Variants in CD70 observed in about 807,000 individuals in gnomAD.
CD70 encodes the protein CD70 molecule, also known as CD70 antigen.
Under a neutral mutation model 9.0 loss-of-function variants are expected in CD70, and 6 were observed. That is an observed-to-expected ratio of 0.67 (90% CI 0.37 to 1.32). The LOEUF is 1.32. CD70 is among the 40% of genes most tolerant of loss of function. The pLI is 0.02. For synonymous variants in CD70, 108 were observed against 112.3 expected, an observed-to-expected ratio of 0.96 and a Z score of 0.24; for missense variants, 235 against 258.7, an observed-to-expected ratio of 0.91 and a Z score of 0.63.
chr19:6,583,357 C>T (rs1158745649), downstream of CD70: 1 of 701,632 alleles, frequency 1.4e-6, no homozygotes, highest in South Asian at 1.5e-5. Flanking sequence ...GATGATTCCT[C>T]CAGCTTTGTA....
At chr19:6,589,108 TC>T (rs1916091625) in intron 2 of CD70, among the ~76,000 whole-genome samples, 1 of 151,908 alleles carries the variant, frequency 6.6e-6, no homozygotes. Context: ...CTCTCTCCTC[TC>T]TCTCTCTCTC....
In CD70 at chr19:6,585,924, C is replaced by G; in HGVS notation, c.*96G>C. ...GCCACCACTACCCCCCACCACACTC[C>G]CACCCCAACCCCGGGTGGCCCCTGT... On this transcript the variant is annotated 3_prime_UTR_variant, in exon 3 of 3. Transcript: ENST00000245903. 1 of 880,052 alleles carries G rather than the reference C, an allele frequency of 1.1e-6. No homozygotes were observed. Among genetic ancestry groups the G allele is most frequent in the East Asian group, 2.7e-5 (1 of 37,506 alleles). 54.5% of individuals were successfully genotyped at this position (880,052 alleles called of 1,614,324 possible). A position where few individuals can be genotyped will look rare whatever the true frequency, so the allele number is the denominator to read the frequency against.
chr19:6,586,474 A>T, intron 2 of CD70, 69 bp from the exon 3 acceptor site: 1 of 1,463,072 alleles, frequency 6.8e-7, no homozygotes, highest in Non-Finnish European at 9.2e-7. Flanking sequence ...GGGGTCATAG[A>T]GAAAGTCAGA....
chr19:6,586,386 C>A lies in CD70; in HGVS notation c.216G>T (p.Arg72Ser). Residue 72 changes from arginine (R) to serine (S), a missense_variant, in exon 3 of 3, where the codon AGG becomes AGT. Coordinates refer to ENST00000245903, the MANE Select transcript of CD70 (RefSeq NM_001252.5). ...LNHTGPQQDP[R>S]LYWQGGPALG... is the part of the protein sequence containing the mutation. ...GTGCTGGGCCCCCCTGCCAGTATAG[C>A]CTGGGGTCCTGCTGAGGTCCTGGGG... is the stretch of plus-strand genomic sequence containing the variant. 6.2e-7 allele frequency: 1 copy of A among 1,610,146 alleles called. No individual in the cohort carries two copies. Among genetic ancestry groups the A allele is most frequent in the Non-Finnish European group, 8.5e-7 (1 of 1,178,502 alleles).
chr19:6,587,925 C>G (rs1230490467), intron 2 of CD70, among the ~76,000 whole-genome samples: 1 of 152,016 alleles, frequency 6.6e-6, no homozygotes, highest in African/African-American at 2.4e-5. Context: ...TCCCAAGAAA[C>G]ATAGTCTAGA....
Position 6,585,900 on chromosome 19 carries a change from C to T in CD70, c.*120G>A, listed in dbSNP as rs559096142. 33 of 659,848 alleles carry T rather than the reference C, an allele frequency of 5.0e-5. No individual in the cohort carries two copies. Among genetic ancestry groups the T allele is most frequent in the Middle Eastern group, 8.5e-4 (2 of 2,356 alleles). 40.9% of individuals were successfully genotyped at this position (659,848 alleles called of 1,614,324 possible). ...AAGCTCAATGCCTTCTCTTGTCCTG[C>T]CACCACTACCCCCCACCACACTCCC... On this transcript the variant is annotated 3_prime_UTR_variant, in exon 3 of 3. Transcript: ENST00000245903.
chr19:6,581,668 A>G (rs1172655795), downstream of CD70, among the ~76,000 whole-genome samples: 1 of 152,168 alleles, frequency 6.6e-6, no homozygotes. Context: ...ATTCTATTTT[A>G]TATTCCTGTG....
downstream of CD70, among the ~76,000 whole-genome samples, chr19:6,582,260 T>C (rs2145316247): frequency 6.6e-6 from 1 of 151,298 alleles, no homozygotes; most frequent in South Asian, 2.1e-4. Context: ...GGTCTCGAAC[T>C]CTTCAGCTCA....
At chr19:6,583,620 A>G (rs1915960422), downstream of CD70, 1 of 531,548 alleles carries the variant, frequency 1.9e-6, no homozygotes, top group Non-Finnish European at 3.3e-6. Flanking sequence ...GTGCAGTGGC[A>G]CTATCTCAGC....
chr19:6,585,831 A>C (rs427003), downstream of CD70: 236,708 of 540,100 alleles, frequency 0.44, 54,436 homozygotes, highest in East Asian at 0.75. Context: ...CACGCCACGA[A>C]GCCCAGCTGA....
chr19:6,586,221 G>A lies in CD70; in HGVS notation c.381C>T (p.Thr127=). The change falls in exon 3 of 3, where the codon ACC becomes ACT. Residue 127 remains threonine, a synonymous_variant. Coordinates refer to ENST00000245903, the MANE Select transcript of CD70 (RefSeq NM_001252.5). ...CGGGAGAGCAGATTCCCACGGCCAGGGTGGTGGGGTGGTGCCTGGAGGCCG... is the reference window on the plus strand; with the variant it reads ...CGGGAGAGCAGATTCCCACGGCCAGAGTGGTGGGGTGGTGCCTGGAGGCCG... ...STTASRHHPT[T]LAVGICSPAS... is the part of the protein sequence containing the mutation. The A allele has an allele frequency of 6.2e-7, 1 of 1,614,140 alleles. No homozygotes were observed. The highest frequency in any genetic ancestry group is 8.5e-7 in the Non-Finnish European group (1 of 1,180,014).
At position 6,590,850 on chromosome 19, in the gene CD70, C is replaced by G; in HGVS notation, c.153G>C (p.Glu51Asp). Reference sequence around the variant, plus strand: ...TTCCATCTCAACTCACCCCAAGTGACTCGAGCGGCAGCTGCTGCTGAGCCT... The same window carrying G: ...TTCCATCTCAACTCACCCCAAGTGAGTCGAGCGGCAGCTGCTGCTGAGCCT... Reference protein sequence around the residue: ...FAQAQQQLPLESLGWDVAELQ... With the variant: ...FAQAQQQLPLDSLGWDVAELQ... Residue 51 changes from glutamate to aspartate, a missense_variant, in exon 1 of 3, where the codon GAG (glutamate) becomes GAC (aspartate). Physicochemically the swap from Glu to Asp is conservative, Grantham distance 45. Coordinates refer to ENST00000245903, the MANE Select transcript of CD70 (RefSeq NM_001252.5). The surrounding 1 kb of genome is among the most constrained non-coding windows in gnomAD (Gnocchi z 5.3). 1 of 1,612,930 alleles carries G rather than the reference C, an allele frequency of 6.2e-7. No homozygotes were observed. The highest frequency in any genetic ancestry group is 8.5e-7 in the Non-Finnish European group (1 of 1,179,504).
In CD70 at chr19:6,590,977, G is replaced by C; in HGVS notation, c.26C>G (p.Ser9Trp). The C allele has an allele frequency of 6.2e-7, 1 of 1,611,130 alleles. No individual in the cohort carries two copies. The highest frequency in any genetic ancestry group is 1.7e-5 in the Admixed American group (1 of 59,702). Residue 9 changes from serine to tryptophan, a missense_variant, in exon 1 of 3, where the codon TCG (serine) becomes TGG (tryptophan). Ser to Trp is a radical substitution (Grantham distance 177). Coordinates refer to ENST00000245903, the MANE Select transcript of CD70 (RefSeq NM_001252.5). This position sits in a 1 kb window ranked among gnomAD's most constrained non-coding sequence, Gnocchi z 5.3. MPEEGSGCSVRRRPYGCVL... is the reference protein window; with the variant it reads MPEEGSGCWVRRRPYGCVL... ...GCACCCATAGGGCCTGCGCCGCACC[G>C]AGCAGCCCGAACCCTCCTCCGGCAT...
downstream of CD70, chr19:6,583,322 T>G (rs1259806696): frequency 1.4e-6 from 1 of 699,808 alleles, no homozygotes; most frequent in Non-Finnish European, 2.6e-6. Flanking sequence ...GCCTCTGTTT[T>G]CCTCATCTGT....
intron 2 of CD70, among the ~76,000 whole-genome samples, chr19:6,587,598 G>T (rs187425284): frequency 3.3e-5 from 5 of 151,352 alleles, no homozygotes; most frequent in Admixed American, 2.0e-4. Context: ...CACCCTGAAC[G>T]CCAATAAAAG....
chr19:6,583,498 G>T, downstream of CD70: 2 of 609,558 alleles, frequency 3.3e-6, no homozygotes, highest in Non-Finnish European at 6.0e-6. Flanking sequence ...AAGTTGTTTT[G>T]GTGAATTGTT....
chr19:6,583,299 C>T, downstream of CD70: 1 of 690,570 alleles, frequency 1.4e-6, no homozygotes. Flanking sequence ...GGACAGATGA[C>T]TCAACGGTTT....
downstream of CD70, chr19:6,583,192 A>G (rs961513010): frequency 3.6e-6 from 2 of 560,022 alleles, 1 homozygote; most frequent in Non-Finnish European, 6.4e-6. Flanking sequence ...ACTACTATGT[A>G]GATGAATTGC....
At chr19:6,584,364 G>A (rs112136162), downstream of CD70, among the ~76,000 whole-genome samples, 51,153 of 151,150 alleles carry the variant, frequency 0.34, 10,077 homozygotes, top group Non-Finnish European at 0.45. Flanking sequence ...AAAATTAGCC[G>A]GACGTGGTGG....
Sources: gnomAD v4.1 joint callset for allele counts (sites outside exome capture counted in the v4.1 genomes callset) on GRCh38, gnomAD v4.1.1 for gene constraint, Gnocchi (gnomAD v3.1) non-coding constraint, MANE v1.5 for transcripts, NCBI Gene and HGNC (gene_info 2026-07-23, HGNC 2026-07-21) for gene names.